The following XYLT1 variants were observed in gnomAD, a reference collection of about 807,000 sequenced individuals.
XYLT1 encodes the protein beta-D-xylosyltransferase 1.
In XYLT1, 36 loss-of-function variants were observed where a neutral mutation model predicts 91.3. The observed-to-expected ratio is 0.39, with a 90% CI of 0.30 to 0.52. The LOEUF is 0.52. Ranked by LOEUF, XYLT1 falls within the 20% of genes least tolerant of loss-of-function variation. The probability of loss-of-function intolerance (pLI) is 0.68; values close to 1 mark genes in which losing one functional copy is unlikely to be tolerated. For synonymous variants in XYLT1, 588 were observed against 532.0 expected (o/e 1.11, Z -1.45); for missense variants, 1,242 against 1,284.5 (o/e 0.97, Z 0.51).
At chr16:17,161,420 CG>C (rs1407595151) in intron 5 of XYLT1, among the ~76,000 whole-genome samples, 6 of 151,926 alleles carry the variant, frequency 3.9e-5, no homozygotes, top group Admixed American at 6.5e-5. Flanking sequence ...AAGGGTGGGG[CG>C]GGGGGACCCC....
chr16:17,362,549 T>C (rs554834127), intron 1 of XYLT1, among the ~76,000 whole-genome samples: 238 of 152,332 alleles, frequency 1.6e-3, no homozygotes, highest in African/African-American at 5.4e-3. Flanking sequence ...GAAACTTGTC[T>C]ACACCTCAAA....
intron 5 of XYLT1, among the ~76,000 whole-genome samples, chr16:17,184,956 T>G (rs955340457): frequency 6.6e-6 from 1 of 152,194 alleles, no homozygotes; most frequent in African/African-American, 2.4e-5. Flanking sequence ...ATCCCTTGGG[T>G]GAAGCAGTCA....
At chr16:17,413,737 C>G (rs1412032461) in intron 1 of XYLT1, among the ~76,000 whole-genome samples, 1 of 152,156 alleles carries the variant, frequency 6.6e-6, no homozygotes. Flanking sequence ...TGTAGATGCT[C>G]TAGCATTAGG....
At chr16:17,185,183 G>A (rs1178622241) in intron 5 of XYLT1, among the ~76,000 whole-genome samples, 2 of 152,260 alleles carry the variant, frequency 1.3e-5, no homozygotes, top group African/African-American at 4.8e-5. Context: ...CAACTGGCAA[G>A]AGGGAAGCAA....
chr16:17,294,641 C>A (rs1305409270), intron 2 of XYLT1, among the ~76,000 whole-genome samples: 1 of 152,024 alleles, frequency 6.6e-6, no homozygotes, highest in African/African-American at 2.4e-5. Context: ...TTGCCTTCCT[C>A]CCCAAACTCA....
chr16:17,176,486 T>C (rs1251247152), intron 5 of XYLT1, among the ~76,000 whole-genome samples: 1 of 152,160 alleles, frequency 6.6e-6, no homozygotes, highest in Non-Finnish European at 1.5e-5. Context: ...CAGCTGGAAA[T>C]TGAACTCAGG....
chr16:17,232,427 G>A (rs866167786), intron 3 of XYLT1, among the ~76,000 whole-genome samples: 3 of 99,466 alleles, frequency 3.0e-5, no homozygotes, highest in African/African-American at 9.9e-5. Flanking sequence ...GTGTGTGTGT[G>A]TGTATATATA....
intron 11 of XYLT1, among the ~76,000 whole-genome samples, chr16:17,109,564 CAA>C (rs1346315620): frequency 2.6e-5 from 4 of 152,066 alleles, no homozygotes; most frequent in East Asian, 1.9e-4. Context: ...GGTATTGAGA[CAA>C]GAGGGTTGGC....
At chr16:17,231,875 T>C (rs2033161309) in intron 3 of XYLT1, among the ~76,000 whole-genome samples, 1 of 151,922 alleles carries the variant, frequency 6.6e-6, no homozygotes, top group Non-Finnish European at 1.5e-5. Context: ...TGGGTGAATA[T>C]GAAGGTGTAG....
At chr16:17,145,819 T>C (rs1442561384) in intron 6 of XYLT1, among the ~76,000 whole-genome samples, 1 of 152,254 alleles carries the variant, frequency 6.6e-6, no homozygotes, top group Non-Finnish European at 1.5e-5. Context: ...ACAAAAATGC[T>C]TCCTCTTCCA....
At chr16:17,289,275 T>C (rs775767174) in intron 2 of XYLT1, among the ~76,000 whole-genome samples, 14 of 152,254 alleles carry the variant, frequency 9.2e-5, no homozygotes, top group Non-Finnish European at 2.1e-4. Context: ...GGCCTGTGAA[T>C]GGCAGTTTGC....
chr16:17,151,008 A>G (rs1217630178), intron 6 of XYLT1, among the ~76,000 whole-genome samples: 1 of 152,196 alleles, frequency 6.6e-6, no homozygotes, highest in Non-Finnish European at 1.5e-5. Context: ...ACCTCACTTC[A>G]TAGGGGCCGA....
intron 2 of XYLT1, among the ~76,000 whole-genome samples, chr16:17,324,875 C>G (rs796323283): frequency 4.6e-5 from 7 of 151,752 alleles, no homozygotes; most frequent in African/African-American, 1.7e-4. Flanking sequence ...TTTTTTCAAG[C>G]TTTGTTATAA....
chr16:17,388,029 G>C (rs959717062), intron 1 of XYLT1, among the ~76,000 whole-genome samples: 1 of 152,134 alleles, frequency 6.6e-6, no homozygotes, highest in Non-Finnish European at 1.5e-5. Context: ...GCTGAAAATA[G>C]CCTAAGTTGA....
At chr16:17,392,239 C>T (rs2035828198) in intron 1 of XYLT1, among the ~76,000 whole-genome samples, 1 of 152,208 alleles carries the variant, frequency 6.6e-6, no homozygotes, top group Admixed American at 6.5e-5. Flanking sequence ...TTCCTCTGTG[C>T]TCCAGCACCG....
intron 1 of XYLT1, among the ~76,000 whole-genome samples, chr16:17,438,604 G>C (rs2141939425): frequency 6.6e-6 from 1 of 152,218 alleles, no homozygotes; most frequent in East Asian, 1.9e-4. Flanking sequence ...ACTTGAGACT[G>C]GATAATTTAT....
chr16:17,142,948 A>T (rs1409585957), intron 6 of XYLT1, among the ~76,000 whole-genome samples: 1 of 152,166 alleles, frequency 6.6e-6, no homozygotes, highest in African/African-American at 2.4e-5. Flanking sequence ...TCTCATCCAA[A>T]ATCACGAACC....
chr16:17,268,652 G>T (rs1314067222), intron 2 of XYLT1, among the ~76,000 whole-genome samples: 1 of 150,262 alleles, frequency 6.7e-6, no homozygotes, highest in East Asian at 1.9e-4. Context: ...AGAAATCGAA[G>T]TTGAGTGATA....
intron 5 of XYLT1, among the ~76,000 whole-genome samples, chr16:17,173,545 G>T (rs2031873766): frequency 6.6e-6 from 1 of 152,254 alleles, no homozygotes; most frequent in South Asian, 2.1e-4. Flanking sequence ...GCAAGGCTTG[G>T]CTAGCGCCAT....
Sources: gnomAD v4.1 joint callset for allele counts (sites outside exome capture counted in the v4.1 genomes callset) on GRCh38, gnomAD v4.1.1 for gene constraint, MANE v1.5 for transcripts, NCBI Gene and HGNC (gene_info 2026-07-23, HGNC 2026-07-21) for gene names.